RBFOX1: variants seen among roughly 807,000 people sequenced by gnomAD.
RBFOX1 encodes the protein RNA binding protein fox-1 homolog 1.
RBFOX1 carries 8 observed loss-of-function variants against 57.7 expected under a neutral mutation model. The ratio of observed to expected loss-of-function variants is 0.14; its 90% CI spans 0.08 to 0.25. The LOEUF (loss-of-function observed/expected upper bound fraction) is 0.25, where lower values mean the gene tolerates loss of function less well. RBFOX1 is among the 10% of genes least tolerant of loss of function. The pLI is 1.00. For synonymous variants in RBFOX1, 326 were observed against 222.4 expected (o/e 1.47, Z -4.15); for missense variants, 611 against 548.5 (o/e 1.11, Z -1.14).
chr16:6,455,695 G>T (rs2094754014), intron 2 of RBFOX1, among the ~76,000 whole-genome samples: 3 of 152,130 alleles, frequency 2.0e-5, no homozygotes, highest in Non-Finnish European at 2.9e-5. Context: ...AGTGTTAATG[G>T]TCTCCTACAC....
chr16:6,496,920 A>G lies in RBFOX1; in HGVS notation c.-63-157683A>G, dbSNP rs541310371. On this transcript the variant is annotated intron_variant, in intron 2 of 15. Transcript: ENST00000550418. Reference sequence around the variant, plus strand: ...GATTGTGGTGAGCCGAGACTACGCCATTGCACTCCAGCCTGGGCAACAAGA... The same window carrying G: ...GATTGTGGTGAGCCGAGACTACGCCGTTGCACTCCAGCCTGGGCAACAAGA... Among the ~76,000 whole-genome samples, 120 of 152,262 alleles carry G rather than the reference A, an allele frequency of 7.9e-4. 1 individual carries two copies. The highest frequency in any genetic ancestry group is 2.8e-3 in the African/African-American group (115 of 41,558).
At chr16:6,506,239 C>T (rs764740699) in intron 2 of RBFOX1, among the ~76,000 whole-genome samples, 3 of 151,968 alleles carry the variant, frequency 2.0e-5, no homozygotes, top group Middle Eastern at 3.2e-3. Context: ...TGCTTCTGGA[C>T]TAAGGGAGGA....
At chr16:7,259,159 C>G (rs901757881) in intron 4 of RBFOX1, among the ~76,000 whole-genome samples, 1 of 152,118 alleles carries the variant, frequency 6.6e-6, no homozygotes, top group Admixed American at 6.5e-5. Context: ...CTGTTGACAC[C>G]ACATGACCTC....
chr16:6,642,700 T>C (rs2098502270), intron 2 of RBFOX1, among the ~76,000 whole-genome samples: 1 of 152,190 alleles, frequency 6.6e-6, no homozygotes, highest in Admixed American at 6.5e-5. Flanking sequence ...AAGCCTGCTG[T>C]CTTTATTTGC....
intron 4 of RBFOX1, among the ~76,000 whole-genome samples, chr16:7,106,793 G>A (rs2063663846): frequency 6.6e-6 from 1 of 151,732 alleles, no homozygotes; most frequent in Admixed American, 6.6e-5. Flanking sequence ...GTGACCAGAT[G>A]CCCTAAAAGG....
chr16:7,704,492 AATGGGATCATAATTACAG>A (rs1350449125), intron 14 of RBFOX1, among the ~76,000 whole-genome samples: 8 of 152,120 alleles, frequency 5.3e-5, no homozygotes, highest in African/African-American at 1.9e-4. Context: ...AGCGTATCTG[AATGGGATCATAATTACAG>A]GCATGAGTGT....
At chr16:6,834,884 C>G (rs529625339) in intron 3 of RBFOX1, among the ~76,000 whole-genome samples, 2 of 134,812 alleles carry the variant, frequency 1.5e-5, no homozygotes, top group African/African-American at 5.6e-5. Flanking sequence ...AAAGGCCTGA[C>G]TTCTCTATTT....
At chr16:6,210,402 G>A (rs1188050017) in intron 1 of RBFOX1, among the ~76,000 whole-genome samples, 1 of 143,656 alleles carries the variant, frequency 7.0e-6, no homozygotes, top group Non-Finnish European at 1.5e-5. Context: ...AGGAAAGAAG[G>A]AAGGGGAAAG....
chr16:7,443,998 C>T (rs1053180752), intron 4 of RBFOX1, among the ~76,000 whole-genome samples: 5 of 152,084 alleles, frequency 3.3e-5, no homozygotes, highest in African/African-American at 9.7e-5. Flanking sequence ...TTCCACTTTG[C>T]CTATGAAGAA....
At chr16:6,398,351 T>C (rs1044979103) in intron 2 of RBFOX1, among the ~76,000 whole-genome samples, 1 of 152,116 alleles carries the variant, frequency 6.6e-6, no homozygotes, top group African/African-American at 2.4e-5. Flanking sequence ...ACACAATTAT[T>C]CCTTTTCAAC....
chr16:7,682,071 C>T (rs1203638751), intron 14 of RBFOX1, among the ~76,000 whole-genome samples: 1 of 152,122 alleles, frequency 6.6e-6, no homozygotes, highest in Non-Finnish European at 1.5e-5. Context: ...GTTGTCAACC[C>T]TCTTTTCTGG....
intron 3 of RBFOX1, among the ~76,000 whole-genome samples, chr16:6,968,307 A>G (rs946736476): frequency 6.6e-6 from 1 of 152,208 alleles, no homozygotes; most frequent in African/African-American, 2.4e-5. Flanking sequence ...GCCTGGTGAA[A>G]TTAGCAGCGA....
intron 4 of RBFOX1, among the ~76,000 whole-genome samples, chr16:5,952,801 A>G (rs1043036236): frequency 6.6e-6 from 1 of 152,172 alleles, no homozygotes. Context: ...TTTCTCCAGG[A>G]CAAGGCCTCC....
chr16:7,162,594 A>C (rs1245117720), intron 4 of RBFOX1, among the ~76,000 whole-genome samples: 3 of 142,706 alleles, frequency 2.1e-5, no homozygotes, highest in African/African-American at 8.0e-5. Flanking sequence ...AAACATTGCC[A>C]GGTACGCGCC....
chr16:6,803,095 C>T (rs531927228), intron 3 of RBFOX1, among the ~76,000 whole-genome samples: 152 of 152,254 alleles, frequency 1.0e-3, no homozygotes, highest in African/African-American at 3.5e-3. Flanking sequence ...CCCCATCACC[C>T]ACTCTGCAGA....
At chr16:6,852,014 C>G (rs2094098156) in intron 3 of RBFOX1, among the ~76,000 whole-genome samples, 1 of 149,006 alleles carries the variant, frequency 6.7e-6, no homozygotes, top group East Asian at 2.0e-4. Context: ...CAAGCTCCAT[C>G]TCCCGGGTTC....
chr16:7,191,874 G>C (rs1477793673), intron 4 of RBFOX1, among the ~76,000 whole-genome samples: 1 of 152,190 alleles, frequency 6.6e-6, no homozygotes, highest in African/African-American at 2.4e-5. Context: ...CAACTTTGAG[G>C]CAGAATGTAA....
chr16:6,147,457 A>G (rs767149770), intron 1 of RBFOX1, among the ~76,000 whole-genome samples: 43 of 152,322 alleles, frequency 2.8e-4, no homozygotes, highest in Non-Finnish European at 5.4e-4. Context: ...GCATGCCAGA[A>G]TTCTAATTCA....
intron 1 of RBFOX1, among the ~76,000 whole-genome samples, chr16:6,076,597 T>G (rs890867030): frequency 6.6e-6 from 1 of 151,992 alleles, no homozygotes; most frequent in Non-Finnish European, 1.5e-5. Flanking sequence ...CCTCCCAGTC[T>G]TGCCTTTTAA....
Sources: gnomAD v4.1 joint callset for allele counts (sites outside exome capture counted in the v4.1 genomes callset) on GRCh38, gnomAD v4.1.1 for gene constraint, MANE v1.5 for transcripts, NCBI Gene and HGNC (gene_info 2026-07-23, HGNC 2026-07-21) for gene names.